FDFT1: variants seen among roughly 807,000 people sequenced by gnomAD.
FDFT1 encodes squalene synthase.
Under a neutral mutation model 46.8 loss-of-function variants are expected in FDFT1, and 68 were observed. That is an observed-to-expected ratio of 1.45 (90% CI 1.19 to 1.78). The LOEUF is 1.78. Among genes scored for constraint, FDFT1 ranks in the 40% most tolerant of loss-of-function variants. The pLI is 0.00. For synonymous variants in FDFT1, 351 were observed against 185.1 expected, an observed-to-expected ratio of 1.90 and a Z score of -7.28; for missense variants, 928 against 524.4, an observed-to-expected ratio of 1.77 and a Z score of -7.52.
intron 1 of FDFT1, among the ~76,000 whole-genome samples, chr8:11,807,001 C>G (rs997238386): frequency 7.1e-6 from 1 of 141,156 alleles, no homozygotes; most frequent in Non-Finnish European, 1.6e-5. Flanking sequence ...TGGCAAAATA[C>G]GTATTCATGA....
intron 3 of FDFT1, among the ~76,000 whole-genome samples, chr8:11,817,910 A>G (rs542154753): frequency 2.9e-4 from 44 of 151,550 alleles, no homozygotes; most frequent in African/African-American, 6.5e-4. Flanking sequence ...TAGCTTTTCA[A>G]TTTGTTTGCT....
Position 11,830,313 on chromosome 8 carries a change from T to A in FDFT1, c.772T>A (p.Cys258Ser), listed in dbSNP as rs1810597132. Residue 258 changes from cysteine to serine, a missense_variant, in exon 6 of 8, where the codon TGC (cysteine) becomes AGC (serine). Transcript: ENST00000220584. The stretch of plus-strand genomic sequence containing the variant: ...GGAGAATATTGACTTGGCCGTGCAG[T>A]GCCTGAATGAACTTATAACCAATGC... ...KPENIDLAVQ[C>S]LNELITNALH... 6.2e-7 allele frequency: 1 copy of A among 1,613,860 alleles called. No homozygotes were observed. The highest frequency in any genetic ancestry group is 8.5e-7 in the Non-Finnish European group (1 of 1,179,764).
intron 1 of FDFT1, among the ~76,000 whole-genome samples, chr8:11,796,286 A>G (rs1483502283): frequency 6.6e-6 from 1 of 152,186 alleles, no homozygotes; most frequent in African/African-American, 2.4e-5. Flanking sequence ...TGAGCTTTCT[A>G]GGACTGATCT....
chr8:11,808,605 G>T, intron 1 of FDFT1, 189 bp from the exon 2 acceptor site: 1 of 1,391,098 alleles, frequency 7.2e-7, no homozygotes, highest in Non-Finnish European at 9.3e-7. Context: ...CAGGGGCCCG[G>T]GCGCAGGCAC....
At chr8:11,812,869 G>A (rs866310713) in intron 3 of FDFT1, among the ~76,000 whole-genome samples, 1 of 152,154 alleles carries the variant, frequency 6.6e-6, no homozygotes, top group Non-Finnish European at 1.5e-5. Flanking sequence ...GTATGTTAGG[G>A]GTTCGATTAG....
At chr8:11,836,067 C>T (rs1030985996) in intron 7 of FDFT1, among the ~76,000 whole-genome samples, 11 of 148,944 alleles carry the variant, frequency 7.4e-5, no homozygotes, top group African/African-American at 2.0e-4. Context: ...GCAGGAGAAT[C>T]GCATGAACCT....
In FDFT1 at chr8:11,826,066, C is replaced by T. The variant is rs376669118; in HGVS notation, c.553C>T (p.Arg185Cys). The T allele has an allele frequency of 2.9e-5, 47 of 1,604,644 alleles. No individual in the cohort carries two copies. The highest frequency in any genetic ancestry group is 1.7e-4 in the Middle Eastern group (1 of 6,042). ...TGGGCTGGTCGGAATTGGCCTTTCCCGTCTTTTCTCAGCCTCAGAGTTTGA... is the reference window on the plus strand; with the variant it reads ...TGGGCTGGTCGGAATTGGCCTTTCCTGTCTTTTCTCAGCCTCAGAGTTTGA... ...VAGLVGIGLS[R>C]LFSASEFEDP... Residue 185 changes from arginine (R) to cysteine (C), a missense_variant, in exon 5 of 8, where the codon CGT (arginine) becomes TGT (cysteine). Coordinates refer to ENST00000220584, the MANE Select transcript of FDFT1 (RefSeq NM_004462.5).
At position 11,802,902 on chromosome 8, in the gene FDFT1, A is replaced by G; in HGVS notation, c.70A>G (p.Lys24Glu). The change falls in exon 1 of 8, where the codon AAG becomes GAG. Residue 24 changes from lysine (K) to glutamate (E), a missense_variant. Physicochemically the swap from Lys to Glu is moderately conservative, Grantham distance 56. Transcript: ENST00000220584. ...CCTGGTGCGCTTCCGGATCGGGGGC[A>G]AGCGGAAGGTGATGCCCAAGATGGA... is the stretch of plus-strand genomic sequence containing the variant. ...YNLVRFRIGGKRKVMPKMDQD... is the reference protein window; with the variant it reads ...YNLVRFRIGGERKVMPKMDQD... 1 of 1,611,284 alleles carries G rather than the reference A, an allele frequency of 6.2e-7. No individual in the cohort carries two copies. Among genetic ancestry groups the G allele is most frequent in the Non-Finnish European group, 8.5e-7 (1 of 1,178,738 alleles).
chr8:11,827,437 G>C (rs888670894), intron 5 of FDFT1, among the ~76,000 whole-genome samples: 28 of 151,302 alleles, frequency 1.9e-4, no homozygotes, highest in African/African-American at 6.9e-4. Flanking sequence ...AGGATCCCTT[G>C]AGCGCAGGAG....
chr8:11,799,524 C>G (rs2645437), upstream of FDFT1, among the ~76,000 whole-genome samples: 34,595 of 152,118 alleles, frequency 0.23, 4,223 homozygotes, highest in Admixed American at 0.3. Context: ...TTCCGTTAGT[C>G]TTATGATCTC....
intron 3 of FDFT1, among the ~76,000 whole-genome samples, chr8:11,821,219 C>G (rs968474677): frequency 3.9e-5 from 6 of 152,234 alleles, no homozygotes; most frequent in East Asian, 3.8e-4. Flanking sequence ...TGTAGTGAGA[C>G]TTTGAATCTT....
At chr8:11,824,671 T>C (rs758446252) in intron 4 of FDFT1, among the ~76,000 whole-genome samples, 1 of 152,144 alleles carries the variant, frequency 6.6e-6, no homozygotes, top group African/African-American at 2.4e-5. Context: ...TCATCTGAAA[T>C]GGAGATCATA....
At chr8:11,798,974 G>A (rs2686194), upstream of FDFT1, among the ~76,000 whole-genome samples, 12 of 152,190 alleles carry the variant, frequency 7.9e-5, no homozygotes, top group East Asian at 2.3e-3. Flanking sequence ...AGGCGTTTGA[G>A]GTAGGAGCTT....
chr8:11,812,745 G>C (rs932944691), intron 3 of FDFT1, among the ~76,000 whole-genome samples: 2 of 152,142 alleles, frequency 1.3e-5, no homozygotes, highest in Non-Finnish European at 2.9e-5. Context: ...CCTCAATACA[G>C]TGTTCTAACC....
At chr8:11,808,738 ACTCCC>A (rs2130717285) in intron 1 of FDFT1, 51 bp from the exon 2 acceptor site, 1 of 1,553,070 alleles carries the variant, frequency 6.4e-7, no homozygotes, top group East Asian at 2.3e-5. Context: ...TCCCACTCCC[ACTCCC>A]ACTCCTGCTC....
upstream of FDFT1, among the ~76,000 whole-genome samples, chr8:11,801,043 T>C (rs1258160680): frequency 6.6e-6 from 1 of 151,898 alleles, no homozygotes; most frequent in Non-Finnish European, 1.5e-5. Context: ...GGATTAGCAG[T>C]GGTGGAAATG....
At chr8:11,831,027 A>C (rs1286347203) in intron 6 of FDFT1, among the ~76,000 whole-genome samples, 1 of 152,158 alleles carries the variant, frequency 6.6e-6, no homozygotes, top group Non-Finnish European at 1.5e-5. Context: ...TTATGTTTCC[A>C]TTTACCTAGA....
chr8:11,821,006 A>C (rs555684060), intron 3 of FDFT1, among the ~76,000 whole-genome samples: 4 of 152,188 alleles, frequency 2.6e-5, no homozygotes, highest in Admixed American at 6.5e-5. Flanking sequence ...CTTGGAAGCA[A>C]CTCTGGGTCT....
At chr8:11,837,132 C>T (rs58922796) in intron 7 of FDFT1, among the ~76,000 whole-genome samples, 3,295 of 152,324 alleles carry the variant, frequency 0.022, 120 homozygotes, top group African/African-American at 0.074. Context: ...GTTGAAGGGA[C>T]GTGGGAGGCG....
Sources: allele counts gnomAD v4.1 joint callset (sites outside exome capture counted in the v4.1 genomes callset), GRCh38; gene constraint gnomAD v4.1.1; transcripts MANE v1.5; gene names NCBI Gene and HGNC (gene_info 2026-07-23, HGNC 2026-07-21).